Variants in KAZN observed in about 807,000 individuals in gnomAD.
KAZN encodes kazrin, periplakin interacting protein.
KAZN carries 40 observed loss-of-function variants against 87.4 expected under a neutral mutation model. The ratio of observed to expected loss-of-function variants is 0.46; its 90% CI spans 0.36 to 0.60. The LOEUF (loss-of-function observed/expected upper bound fraction) is 0.60. KAZN is among the 20% of genes least tolerant of loss of function. KAZN has a pLI of 0.00. For synonymous variants in KAZN, 466 were observed against 458.3 expected (o/e 1.02, Z -0.22); for missense variants, 898 against 1,073.9 (o/e 0.84, Z 2.29).
intron 1 of KAZN, among the ~76,000 whole-genome samples, chr1:14,058,291 C>T (rs1642657434): frequency 6.6e-6 from 1 of 152,132 alleles, no homozygotes; most frequent in South Asian, 2.1e-4. Flanking sequence ...TCTTTCCCTT[C>T]CAAGTTTCTT....
intron 2 of KAZN, among the ~76,000 whole-genome samples, chr1:14,279,539 G>A (rs1455313315): frequency 6.6e-6 from 1 of 152,146 alleles, no homozygotes. Context: ...TACTATCAGG[G>A]GTCTGGAGTG....
rs143314742 is a variant in KAZN at position 14,254,428 on chromosome 1, T to C, written c.249+73836T>C. ...GTGAAAGCTGCACTCGACCATTCCT[T>C]TTGTTGGTAACTCAAGCCAACAGCC... On this transcript the variant is annotated intron_variant, in intron 2 of 16. Transcript: ENST00000636203. Among the ~76,000 whole-genome samples the C allele has an allele frequency of 2.8e-3, 421 of 152,268 alleles. 1 individual carries two copies. Among genetic ancestry groups the C allele is most frequent in the African/African-American group, 9.5e-3 (396 of 41,544 alleles).
chr1:14,388,204 G>A (rs879660668), intron 2 of KAZN, among the ~76,000 whole-genome samples: 10 of 152,202 alleles, frequency 6.6e-5, no homozygotes, highest in Non-Finnish European at 1.3e-4. Context: ...CCTGACCTGC[G>A]CCCACTGTCT....
At chr1:14,918,400 G>C (rs900305137) in intron 1 of KAZN, among the ~76,000 whole-genome samples, 2 of 151,896 alleles carry the variant, frequency 1.3e-5, no homozygotes, top group African/African-American at 4.8e-5. Flanking sequence ...AATGGGGCTG[G>C]CATGGTGGCT....
At chr1:14,372,273 T>C (rs1009659371) in intron 2 of KAZN, among the ~76,000 whole-genome samples, 5 of 152,220 alleles carry the variant, frequency 3.3e-5, no homozygotes, top group African/African-American at 1.2e-4. Flanking sequence ...TGAGGTCATT[T>C]AAAAAATTTA....
chr1:14,934,957 C>A (rs74059673), intron 1 of KAZN, among the ~76,000 whole-genome samples: 7,094 of 152,300 alleles, frequency 0.047, 561 homozygotes, highest in African/African-American at 0.16. Flanking sequence ...TCTGGGGTAG[C>A]CCTTCTTCTA....
At chr1:14,375,642 T>G (rs1181551690) in intron 2 of KAZN, among the ~76,000 whole-genome samples, 1 of 152,116 alleles carries the variant, frequency 6.6e-6, no homozygotes, top group African/African-American at 2.4e-5. Flanking sequence ...ATCCCAGCAC[T>G]TTGGGAGGCC....
At chr1:15,071,549 C>T (rs1271071756) in intron 8 of KAZN, among the ~76,000 whole-genome samples, 1 of 152,190 alleles carries the variant, frequency 6.6e-6, no homozygotes, top group Admixed American at 6.5e-5. Flanking sequence ...GCCACCGCAC[C>T]CAGCCTGGGT....
At chr1:14,481,016 G>A (rs1016170775) in intron 2 of KAZN, among the ~76,000 whole-genome samples, 21 of 151,212 alleles carry the variant, frequency 1.4e-4, no homozygotes, top group Non-Finnish European at 2.2e-4. Context: ...CTATACACTT[G>A]ATCAGTTGCC....
intron 1 of KAZN, among the ~76,000 whole-genome samples, chr1:13,942,567 AAAAAATGTAT>A (rs1557735767): frequency 1.4e-5 from 2 of 143,542 alleles, no homozygotes; most frequent in Admixed American, 6.9e-5. Context: ...AAAAAAAAAA[AAAAAATGTAT>A]ATATATAATT....
chr1:14,411,881 C>G (rs906057249), intron 2 of KAZN, among the ~76,000 whole-genome samples: 1 of 152,156 alleles, frequency 6.6e-6, no homozygotes, highest in African/African-American at 2.4e-5. Flanking sequence ...TATTCAGAAG[C>G]AGAGGTACTG....
chr1:14,191,252 G>A (rs1015405481), intron 2 of KAZN, among the ~76,000 whole-genome samples: 1 of 152,146 alleles, frequency 6.6e-6, no homozygotes, highest in African/African-American at 2.4e-5. Context: ...AGAACAGGAG[G>A]CAGTTTGTTT....
chr1:13,915,181 A>G (rs557746987), intron 1 of KAZN, among the ~76,000 whole-genome samples: 2 of 152,328 alleles, frequency 1.3e-5, no homozygotes, highest in African/African-American at 2.4e-5. Context: ...ACAGGCACAC[A>G]TGTATACGAT....
chr1:14,094,275 T>C (rs1644077999), intron 1 of KAZN, among the ~76,000 whole-genome samples: 1 of 152,126 alleles, frequency 6.6e-6, no homozygotes, highest in Non-Finnish European at 1.5e-5. Flanking sequence ...TTGATGAGAA[T>C]GGAAAATAGT....
intron 4 of KAZN, among the ~76,000 whole-genome samples, chr1:15,051,506 T>A (rs1217461807): frequency 6.6e-6 from 1 of 152,246 alleles, no homozygotes; most frequent in African/African-American, 2.4e-5. Flanking sequence ...ACTCCTCACA[T>A]CATCCCTGCT....
intron 1 of KAZN, among the ~76,000 whole-genome samples, chr1:14,900,835 G>A (rs1655800464): frequency 6.6e-6 from 1 of 152,070 alleles, no homozygotes; most frequent in East Asian, 1.9e-4. Flanking sequence ...GTCACCAGGA[G>A]GAGAGGGATG....
intron 1 of KAZN, among the ~76,000 whole-genome samples, chr1:14,032,844 G>T (rs1440275926): frequency 6.6e-6 from 1 of 152,136 alleles, no homozygotes; most frequent in Admixed American, 6.6e-5. Context: ...AAGTGCCAGA[G>T]GTACTGCAGG....
rs144412442 is a variant in KAZN, at chr1:14,616,169, C to T, written c.226+16946C>T. ...AGTTGGAGAAACTGAGGCTGGAGAG[C>T]GCAAGTGAGTCTGCTGAGGCTATAC... is the stretch of plus-strand genomic sequence containing the variant. On this transcript the variant is annotated intron_variant, in intron 1 of 14. Transcript: ENST00000376030. Among the ~76,000 whole-genome samples, 783 of 152,248 alleles carry T rather than the reference C, an allele frequency of 5.1e-3. 10 individuals carry two copies. Among genetic ancestry groups the T allele is most frequent in the African/African-American group, 0.018 (727 of 41,540 alleles).
rs573277261 is a variant in KAZN at position 14,362,582 on chromosome 1, T to C, written c.249+181990T>C. ...AGGGCTGCTTAAGAGACTGTCTCAC[T>C]GCCAGAGCAGCTAGAAGGCTAAGAT... is the stretch of plus-strand genomic sequence containing the variant. On this transcript the variant is annotated intron_variant, in intron 2 of 16. Coordinates refer to the KAZN transcript ENST00000636203. Among the ~76,000 whole-genome samples the C allele has an allele frequency of 3.9e-5, 6 of 152,324 alleles. No individual in the cohort carries two copies. The East Asian group carries it at 1.2e-3, about 29-fold the overall frequency.
Sources: allele counts gnomAD v4.1 joint callset (sites outside exome capture counted in the v4.1 genomes callset), GRCh38; gene constraint gnomAD v4.1.1; transcripts MANE v1.5; gene names NCBI Gene and HGNC (gene_info 2026-07-23, HGNC 2026-07-21).